The following MAP4K4 variants were observed in gnomAD, a reference collection of about 807,000 sequenced individuals.
The protein encoded by MAP4K4 is mitogen-activated protein kinase kinase kinase kinase 4.
A neutral mutation model predicts 189.6 loss-of-function variants in MAP4K4; 38 were observed. The ratio of observed to expected loss-of-function variants is 0.20; its 90% confidence interval spans 0.15 to 0.26. The LOEUF is 0.26. MAP4K4 is among the 10% of genes least tolerant of loss of function. The probability of loss-of-function intolerance (pLI) is 1.00; values close to 1 mark genes in which losing one functional copy is unlikely to be tolerated. For missense variants in MAP4K4, 1,054 were observed against 1,726.9 expected (o/e 0.61, Z 6.91); for synonymous variants, 610 against 624.3 (o/e 0.98, Z 0.34).
intron 2 of MAP4K4, among the ~76,000 whole-genome samples, chr2:101,705,599 T>C (rs2041908880): frequency 6.6e-6 from 1 of 152,252 alleles, no homozygotes; most frequent in African/African-American, 2.4e-5. Flanking sequence ...AAAGACATTT[T>C]CCCATGTCAA....
At chr2:101,835,603 C>G (rs2096727199) in intron 8 of MAP4K4, among the ~76,000 whole-genome samples, 1 of 152,196 alleles carries the variant, frequency 6.6e-6, no homozygotes, top group East Asian at 1.9e-4. Context: ...TGTAATCTAA[C>G]AGATAGTTTA....
At chr2:101,822,417 C>T (rs980141092) in intron 3 of MAP4K4, among the ~76,000 whole-genome samples, 1 of 152,130 alleles carries the variant, frequency 6.6e-6, no homozygotes, top group Non-Finnish European at 1.5e-5. Context: ...GTTTATATTT[C>T]GGAACCAAGC....
At chr2:101,815,835 C>G (rs936913231) in intron 3 of MAP4K4, among the ~76,000 whole-genome samples, 1 of 152,086 alleles carries the variant, frequency 6.6e-6, no homozygotes, top group Non-Finnish European at 1.5e-5. Context: ...CTTCCCAACC[C>G]TTTGAGCACT....
chr2:101,702,730 T>G (rs1428425323), intron 2 of MAP4K4, among the ~76,000 whole-genome samples: 1 of 152,092 alleles, frequency 6.6e-6, no homozygotes, highest in Non-Finnish European at 1.5e-5. Flanking sequence ...GGAGGGACCA[T>G]AGATTTTGTG....
At chr2:101,839,774 T>C in intron 9 of MAP4K4, 45 bp from the exon 10 acceptor site, 2 of 1,452,150 alleles carry the variant, frequency 1.4e-6, no homozygotes, top group Non-Finnish European at 1.8e-6. Context: ...TTTCGATCTT[T>C]ACTCTTTGTG....
intron 2 of MAP4K4, among the ~76,000 whole-genome samples, chr2:101,729,097 A>AGTGTGTGT (rs1224495620): frequency 9.2e-5 from 6 of 64,922 alleles, no homozygotes; most frequent in South Asian, 5.1e-4. Flanking sequence ...AGAGAGAGAG[A>AGTGTGTGT]GAGAGTGTGT....
intron 2 of MAP4K4, among the ~76,000 whole-genome samples, chr2:101,755,469 G>A (rs1048060866): frequency 6.6e-6 from 1 of 152,116 alleles, no homozygotes; most frequent in Non-Finnish European, 1.5e-5. Flanking sequence ...ACTGAAATTG[G>A]TGGGCGGCCT....
chr2:101,782,474 A>G (rs925475810), intron 2 of MAP4K4, among the ~76,000 whole-genome samples: 1 of 152,262 alleles, frequency 6.6e-6, no homozygotes, highest in African/African-American at 2.4e-5. Context: ...TAGCACTGAC[A>G]TATTCATGTG....
chr2:101,730,910 G>T (rs79691875), intron 2 of MAP4K4, among the ~76,000 whole-genome samples: 14,823 of 151,402 alleles, frequency 0.098, 1,193 homozygotes, highest in African/African-American at 0.22. Context: ...AGCCGGGCAC[G>T]ATGGCGGGCA....
At chr2:101,781,732 A>T (rs2087632730) in intron 2 of MAP4K4, among the ~76,000 whole-genome samples, 1 of 152,150 alleles carries the variant, frequency 6.6e-6, no homozygotes, top group Admixed American at 6.6e-5. Flanking sequence ...TTCAAACCAT[A>T]GCACCCTTTT....
At chr2:101,820,404 A>G (rs2095976386) in intron 3 of MAP4K4, among the ~76,000 whole-genome samples, 1 of 152,196 alleles carries the variant, frequency 6.6e-6, no homozygotes, top group Admixed American at 6.5e-5. Flanking sequence ...ACAGGAACAA[A>G]ATTAAAATAA....
At chr2:101,847,261 T>C (rs1317027017) in intron 12 of MAP4K4, among the ~76,000 whole-genome samples, 4 of 152,250 alleles carry the variant, frequency 2.6e-5, no homozygotes, top group African/African-American at 9.6e-5. Context: ...ATATACAGTA[T>C]ATGTTACTGG....
intron 2 of MAP4K4, among the ~76,000 whole-genome samples, chr2:101,781,123 T>A (rs17026058): frequency 0.098 from 14,918 of 152,262 alleles, 2,087 homozygotes; most frequent in African/African-American, 0.31. Context: ...TGACTGTTGA[T>A]GAAAGAAAGC....
At chr2:101,798,731 C>T (rs2094063363) in intron 3 of MAP4K4, among the ~76,000 whole-genome samples, 1 of 152,146 alleles carries the variant, frequency 6.6e-6, no homozygotes, top group South Asian at 2.1e-4. Context: ...TAGGGTGTTC[C>T]ATTTTTGGTG....
chr2:101,810,554 GTATCCCTCA>G (rs1559027887), intron 3 of MAP4K4, among the ~76,000 whole-genome samples: 5 of 151,942 alleles, frequency 3.3e-5, no homozygotes, highest in Non-Finnish European at 5.9e-5. Flanking sequence ...GTTACTTACT[GTATCCCTCA>G]GGTTTTATGA....
chr2:101,724,735 T>G (rs2054260423), intron 2 of MAP4K4, among the ~76,000 whole-genome samples: 1 of 152,220 alleles, frequency 6.6e-6, no homozygotes, highest in Non-Finnish European at 1.5e-5. Context: ...CAAAACATTC[T>G]AGTACTACTC....
chr2:101,757,345 C>CG (rs1226925394), intron 2 of MAP4K4, among the ~76,000 whole-genome samples: 22 of 152,126 alleles, frequency 1.4e-4, no homozygotes, highest in Admixed American at 1.4e-3. Context: ...GCATTTATCT[C>CG]TTTTTCTACA....
At chr2:101,760,992 A>G (rs2076134587) in intron 2 of MAP4K4, among the ~76,000 whole-genome samples, 1 of 152,216 alleles carries the variant, frequency 6.6e-6, no homozygotes, top group Non-Finnish European at 1.5e-5. Flanking sequence ...AACAAGAGCA[A>G]AACTCTGTCT....
At chr2:101,877,207 C>A in intron 27 of MAP4K4, 61 bp downstream of exon 27, 1 of 1,548,428 alleles carries the variant, frequency 6.5e-7, no homozygotes, top group Non-Finnish European at 8.9e-7. Flanking sequence ...TGTAGCTTTA[C>A]ACACTAAACT....
Sources: gnomAD v4.1 joint callset for allele counts (sites outside exome capture counted in the v4.1 genomes callset) on GRCh38, gnomAD v4.1.1 for gene constraint, MANE v1.5 for transcripts, NCBI Gene and HGNC (gene_info 2026-07-23, HGNC 2026-07-21) for gene names.